The following IFT80 variants were observed in gnomAD, a reference collection of about 807,000 sequenced individuals.
The protein encoded by IFT80 is intraflagellar transport protein 80 homolog.
In IFT80, 79 loss-of-function variants were observed where a neutral mutation model predicts 107.9. The ratio of observed to expected loss-of-function variants is 0.73; its 90% CI spans 0.61 to 0.88. IFT80 has a LOEUF of 0.88. Ranked by LOEUF, IFT80 falls within the 40% of genes least tolerant of loss-of-function variation. The probability of loss-of-function intolerance (pLI) is 0.00; values close to 1 mark genes in which losing one functional copy is unlikely to be tolerated. For missense variants in IFT80, 797 were observed against 914.2 expected (o/e 0.87, Z 1.65); for synonymous variants, 299 against 300.9 (o/e 0.99, Z 0.07).
chr3:160,319,256 C>T (rs980649132), intron 9 of IFT80, among the ~76,000 whole-genome samples: 5 of 151,904 alleles, frequency 3.3e-5, no homozygotes, highest in Admixed American at 2.0e-4. Context: ...ATTTTTCTTC[C>T]CCTACACTTC....
chr3:160,335,008 T>C (rs1719359049), intron 8 of IFT80, among the ~76,000 whole-genome samples: 1 of 152,110 alleles, frequency 6.6e-6, no homozygotes, highest in African/African-American at 2.4e-5. Context: ...TAGGTCTTTT[T>C]AGTGGAAAGA....
At chr3:160,339,695 TAGA>T (rs1719747743) in intron 8 of IFT80, among the ~76,000 whole-genome samples, 1 of 152,068 alleles carries the variant, frequency 6.6e-6, no homozygotes, top group South Asian at 2.1e-4. Context: ...AAGCAAAACA[TAGA>T]AGAAAATGGA....
At chr3:160,342,853 T>C (rs1278504190) in intron 8 of IFT80, 2 of 152,312 alleles carry the variant, frequency 1.3e-5, no homozygotes, top group Non-Finnish European at 2.9e-5. Flanking sequence ...AAGAACAACA[T>C]AGTGACTCCT....
chr3:160,306,816 T>C (rs1025198921), intron 10 of IFT80, among the ~76,000 whole-genome samples: 2 of 152,228 alleles, frequency 1.3e-5, no homozygotes, highest in Non-Finnish European at 2.9e-5. Context: ...AAGATGATGC[T>C]ATACTTTACA....
rs565041609 is a variant in IFT80 at position 160,397,560 on chromosome 3, A to G, written c.-47+1586T>C. ...TATGATGAGACAGGTATTATATGCT[A>G]GTTTCATAAATAAATACTCTCAAGA... On this transcript the variant is annotated intron_variant, in intron 1 of 19. Coordinates refer to ENST00000326448, the MANE Select transcript of IFT80 (RefSeq NM_020800.3). Among the ~76,000 whole-genome samples the G allele has an allele frequency of 7.2e-5, 11 of 152,314 alleles. No individual in the cohort carries two copies. In the East Asian group the frequency reaches 9.6e-4, roughly 13 times the overall value.
intron 12 of IFT80, among the ~76,000 whole-genome samples, chr3:160,300,540 GA>G (rs1716341241): frequency 6.6e-6 from 1 of 152,000 alleles, no homozygotes; most frequent in South Asian, 2.1e-4. Flanking sequence ...AAGAAAAAGG[GA>G]ATATTTAAAA....
At chr3:160,374,558 C>T (rs552219282) in intron 5 of IFT80, among the ~76,000 whole-genome samples, 10 of 152,270 alleles carry the variant, frequency 6.6e-5, no homozygotes, top group African/African-American at 2.2e-4. Flanking sequence ...ACGGATATAG[C>T]ACTTCAGCTG....
intron 12 of IFT80, among the ~76,000 whole-genome samples, chr3:160,297,591 A>G (rs909589929): frequency 6.6e-6 from 1 of 152,104 alleles, no homozygotes; most frequent in African/African-American, 2.4e-5. Flanking sequence ...TCACGTTGCA[A>G]CATTTAGTTA....
At chr3:160,305,726 G>A (rs1716786412) in intron 10 of IFT80, among the ~76,000 whole-genome samples, 1 of 151,894 alleles carries the variant, frequency 6.6e-6, no homozygotes, top group African/African-American at 2.4e-5. Context: ...TCTTTTTCTG[G>A]AACTTCTTTT....
In IFT80 at chr3:160,354,819, G is replaced by C. The variant is rs569376383; in HGVS notation, c.777+1194C>G. Among the ~76,000 whole-genome samples the C allele has an allele frequency of 2.6e-5, 4 of 152,300 alleles. No homozygotes were observed. The East Asian group carries it at 7.7e-4, about 29-fold the overall frequency. Reference sequence around the variant, plus strand: ...TCAATGTGAGTTGAACACACTTAGAGAGTTGTGGGGGAAAAGACTCAATGG... The same window carrying C: ...TCAATGTGAGTTGAACACACTTAGACAGTTGTGGGGGAAAAGACTCAATGG... On this transcript the variant is annotated intron_variant, in intron 8 of 19. Coordinates refer to ENST00000326448, the MANE Select transcript of IFT80 (RefSeq NM_020800.3).
In IFT80 at chr3:160,336,513, C is replaced by A. The variant is rs968025787; in HGVS notation, c.778-16574G>T. Among the ~76,000 whole-genome samples the A allele has an allele frequency of 7.2e-5, 11 of 151,798 alleles. No homozygotes were observed. The East Asian group carries it at 2.1e-3, about 29-fold the overall frequency. ...GTCTAACTTCTATTCCTTTTCTCTC[C>A]CCCATTTCCTCCCTCTCTCTATAGA... On this transcript the variant is annotated intron_variant, in intron 8 of 19. Coordinates refer to ENST00000326448, the MANE Select transcript of IFT80 (RefSeq NM_020800.3).
At chr3:160,310,946 C>G (rs1030241990) in intron 9 of IFT80, among the ~76,000 whole-genome samples, 7 of 151,950 alleles carry the variant, frequency 4.6e-5, no homozygotes, top group Admixed American at 3.9e-4. Flanking sequence ...AAGGTGAGAC[C>G]CTGTCTCTAC....
intron 18 of IFT80, among the ~76,000 whole-genome samples, chr3:160,269,816 G>A (rs1713657646): frequency 6.6e-6 from 1 of 152,100 alleles, no homozygotes; most frequent in Non-Finnish European, 1.5e-5. Context: ...ATAGTCAAAA[G>A]CACATTATTT....
chr3:160,340,215 TAAG>T (rs1383385461), intron 8 of IFT80, among the ~76,000 whole-genome samples: 2 of 152,140 alleles, frequency 1.3e-5, no homozygotes, highest in Admixed American at 6.6e-5. Context: ...TTTTTATCAG[TAAG>T]AAGAAGGTGA....
At chr3:160,379,587 A>C (rs893637758) in intron 3 of IFT80, among the ~76,000 whole-genome samples, 1 of 152,354 alleles carries the variant, frequency 6.6e-6, no homozygotes, top group South Asian at 2.1e-4. Flanking sequence ...GTGTAAAAAG[A>C]AACAGAGCCA....
At chr3:160,289,754 T>A (rs1315200838) in intron 12 of IFT80, among the ~76,000 whole-genome samples, 1 of 152,190 alleles carries the variant, frequency 6.6e-6, no homozygotes, top group African/African-American at 2.4e-5. Flanking sequence ...GGTCTACCAA[T>A]TTAATCAAGA....
intron 8 of IFT80, among the ~76,000 whole-genome samples, chr3:160,329,635 C>A (rs1045345660): frequency 2.2e-4 from 34 of 152,148 alleles, no homozygotes; most frequent in Non-Finnish European, 4.6e-4. Flanking sequence ...AACAGAAAGG[C>A]TTTGCTAAAT....
chr3:160,291,050 G>A (rs1170491455), intron 12 of IFT80, among the ~76,000 whole-genome samples: 2 of 152,126 alleles, frequency 1.3e-5, no homozygotes, highest in Non-Finnish European at 2.9e-5. Flanking sequence ...AGTTCAACAG[G>A]CCTTTAATAT....
intron 18 of IFT80, among the ~76,000 whole-genome samples, chr3:160,273,078 T>C (rs984260936): frequency 6.6e-6 from 1 of 152,192 alleles, no homozygotes; most frequent in Non-Finnish European, 1.5e-5. Flanking sequence ...CACTTAATTA[T>C]CTGTTGAATG....
Sources: allele counts gnomAD v4.1 joint callset (sites outside exome capture counted in the v4.1 genomes callset), GRCh38; gene constraint gnomAD v4.1.1; transcripts MANE v1.5; gene names NCBI Gene and HGNC (gene_info 2026-07-23, HGNC 2026-07-21).